The following P2RX5 variants were observed in gnomAD, a reference collection of about 807,000 sequenced individuals.
The protein encoded by P2RX5 is P2X purinoceptor 5.
In P2RX5, 46 loss-of-function variants were observed where a neutral mutation model predicts 54.1. The ratio of observed to expected loss-of-function variants is 0.85; its 90% CI spans 0.67 to 1.09. The LOEUF (loss-of-function observed/expected upper bound fraction) is 1.09, where lower values mean the gene tolerates loss of function less well. Among genes scored for constraint, P2RX5 ranks in the 50% least tolerant of loss-of-function variants. The pLI is 0.00. For missense variants in P2RX5, 566 were observed against 549.8 expected (o/e 1.03, Z -0.29); for synonymous variants, 226 against 226.4 (o/e 1.00, Z 0.02).
rs372596475 is a variant in P2RX5, at chr17:3,688,088, C to T, written c.905G>A (p.Arg302Gln). 1.0e-5 allele frequency: 16 copies of T among 1,602,716 alleles called. No homozygotes were observed. Among genetic ancestry groups the T allele is most frequent in the African/African-American group, 2.7e-5 (2 of 74,386 alleles). ...GYNFRFARYYRDAAGVEFRTL... is the reference protein window; with the variant it reads ...GYNFRFARYYQDAAGVEFRTL... The stretch of plus-strand genomic sequence containing the variant: ...GCGGAACTCCACCCCGGCTGCGTCT[C>T]GGTAATATCTGGCAAATCTGAGGGA... The change falls in exon 9 of 12, where the codon CGA becomes CAA. Residue 302 changes from arginine (R) to glutamine (Q), a missense_variant. By Grantham distance (43) the Arg-to-Gln change is conservative. Coordinates refer to ENST00000225328, the MANE Select transcript of P2RX5 (RefSeq NM_002561.4).
At chr17:3,700,313 T>G (rs947496716), upstream of P2RX5, among the ~76,000 whole-genome samples, 4 of 152,044 alleles carry the variant, frequency 2.6e-5, no homozygotes, top group Non-Finnish European at 5.9e-5. Context: ...GGCAGGCAGA[T>G]CACGAGGTCA....
At chr17:3,710,892 C>T in the P2RX5 span, among the ~76,000 whole-genome samples, 1 of 152,182 alleles carries the variant, frequency 6.6e-6, no homozygotes, top group Admixed American at 6.6e-5. Context: ...CGCACCACTG[C>T]ACTCCAGCAT....
chr17:3,690,565 C>A (rs766733609), intron 4 of P2RX5, 40 bp downstream of exon 4: 8 of 1,612,292 alleles, frequency 5.0e-6, no homozygotes, highest in Admixed American at 3.3e-5. Flanking sequence ...GCCTCCCACT[C>A]CGAGTCCTCC....
chr17:3,706,600 G>A, the P2RX5 span, among the ~76,000 whole-genome samples: 5 of 151,948 alleles, frequency 3.3e-5, no homozygotes, highest in Admixed American at 1.3e-4. Flanking sequence ...AGCACATGCC[G>A]AAAAATGCGG....
chr17:3,695,115 G>A (rs1301728828), intron 1 of P2RX5, among the ~76,000 whole-genome samples: 2 of 152,216 alleles, frequency 1.3e-5, no homozygotes, highest in Non-Finnish European at 2.9e-5. Context: ...TGAACGAGTG[G>A]AATGAGGCGC....
At chr17:3,700,161 A>G (rs2050808532), upstream of P2RX5, among the ~76,000 whole-genome samples, 1 of 152,102 alleles carries the variant, frequency 6.6e-6, no homozygotes, top group Admixed American at 6.6e-5. Context: ...CCAACTCACC[A>G]CCCTCACAAG....
chr17:3,719,429 A>C, the P2RX5 span, among the ~76,000 whole-genome samples: 1 of 152,132 alleles, frequency 6.6e-6, no homozygotes. Context: ...ATGCCTAACT[A>C]AAGAGCTCAG....
At chr17:3,695,123 C>T (rs1318498051) in intron 1 of P2RX5, among the ~76,000 whole-genome samples, 1 of 152,224 alleles carries the variant, frequency 6.6e-6, no homozygotes, top group Non-Finnish European at 1.5e-5. Context: ...TGGAATGAGG[C>T]GCATCCCCAT....
chr17:3,700,110 G>A (rs147683312), upstream of P2RX5, among the ~76,000 whole-genome samples: 574 of 152,250 alleles, frequency 3.8e-3, 7 homozygotes, highest in African/African-American at 0.013. Context: ...CTTACAAGCT[G>A]TGGCCCCCAG....
At position 3,678,931 on chromosome 17, in the gene P2RX5, G is replaced by A. The variant is rs568002718; in HGVS notation, c.1259+659C>T. On this transcript the variant is annotated intron_variant, in intron 11 of 11. Coordinates refer to ENST00000225328, the MANE Select transcript of P2RX5 (RefSeq NM_002561.4). Reference sequence around the variant, plus strand: ...CCACCCAGCCAGACGCCCTCCCCACGCAGGCTGAGCCTCGTCTGCAGAGAA... The same window carrying A: ...CCACCCAGCCAGACGCCCTCCCCACACAGGCTGAGCCTCGTCTGCAGAGAA... 2.6e-5 allele frequency among the ~76,000 whole-genome samples: 4 copies of A among 152,280 alleles called. No homozygotes were observed. In the East Asian group the frequency reaches 7.7e-4, roughly 29 times the overall value.
the P2RX5 span, chr17:3,723,156 AGGGTTGG>A: frequency 3.0e-6 from 2 of 658,940 alleles, no homozygotes; most frequent in East Asian, 2.8e-5. Context: ...GTTGGGACAG[AGGGTTGG>A]TTTTTTGCAC....
At chr17:3,719,949 C>T in the P2RX5 span, among the ~76,000 whole-genome samples, 1 of 152,150 alleles carries the variant, frequency 6.6e-6, no homozygotes, top group Non-Finnish European at 1.5e-5. Context: ...TTGTGTTGAA[C>T]TTCTGACCTC....
chr17:3,695,778 C>T, intron 1 of P2RX5, 91 bp downstream of exon 1: 1 of 1,519,206 alleles, frequency 6.6e-7, no homozygotes, highest in South Asian at 1.1e-5. Context: ...CGCGTGCACG[C>T]CTGCGAATTC....
chr17:3,695,077 G>A (rs918619267), intron 1 of P2RX5, among the ~76,000 whole-genome samples: 2 of 152,184 alleles, frequency 1.3e-5, no homozygotes, highest in South Asian at 2.1e-4. Flanking sequence ...CTCCCAGGAG[G>A]AAGCAGGAGG....
In P2RX5 at chr17:3,696,032, C is replaced by A. The variant is rs1291752539; in HGVS notation, c.-27G>T. ...GCGCGCTCTCAGCCGGGCTTGCGGACCGCCCGGCCCACGTGCGCTCATGGG... is the reference window on the plus strand; with the variant it reads ...GCGCGCTCTCAGCCGGGCTTGCGGAACGCCCGGCCCACGTGCGCTCATGGG... On this transcript the variant is annotated 5_prime_UTR_variant, in exon 1 of 12. Coordinates refer to ENST00000225328, the MANE Select transcript of P2RX5 (RefSeq NM_002561.4). 1.9e-6 allele frequency: 3 copies of A among 1,611,688 alleles called. No individual in the cohort carries two copies. The African/African-American group carries it at 4.0e-5, about 22-fold the overall frequency.
At chr17:3,683,788 A>G (rs554997832) in intron 9 of P2RX5, among the ~76,000 whole-genome samples, 1 of 151,946 alleles carries the variant, frequency 6.6e-6, no homozygotes, top group African/African-American at 2.4e-5. Context: ...GTAAGAAAGT[A>G]ACAGGCGCAA....
rs2142997522 is a variant in P2RX5, at chr17:3,681,967, G to A, written c.993C>T (p.Phe331=). ...TGAGGTAGATGAGTACCAGGTCGCA[G>A]AAGAAAGCACCCTGCAAAACAGGGG... ...DVMVNGKGAF[F]CDLVLIYLIK... The change falls in exon 10 of 12, where the codon TTC becomes TTT. Residue 331 remains phenylalanine (F), a synonymous_variant. Transcript: ENST00000225328. The A allele has an allele frequency of 1.2e-6, 2 of 1,612,528 alleles. No homozygotes were observed. The highest frequency in any genetic ancestry group is 2.2e-5 in the East Asian group (1 of 44,878).
At chr17:3,699,083 A>ACT (rs1567743987), upstream of P2RX5, among the ~76,000 whole-genome samples, 7 of 124,326 alleles carry the variant, frequency 5.6e-5, no homozygotes, top group Non-Finnish European at 1.3e-4. Context: ...ACACACACAC[A>ACT]CACACACACA....
At chr17:3,690,271 T>C (rs1459870342) in intron 5 of P2RX5, 121 bp from the exon 6 acceptor site, 2 of 1,184,416 alleles carry the variant, frequency 1.7e-6, no homozygotes, top group Non-Finnish European at 2.5e-6. Flanking sequence ...GGACAGTTAA[T>C]TTGCTCATGC....
Sources: gnomAD v4.1 joint callset for allele counts (sites outside exome capture counted in the v4.1 genomes callset) on GRCh38, gnomAD v4.1.1 for gene constraint, MANE v1.5 for transcripts, NCBI Gene and HGNC (gene_info 2026-07-23, HGNC 2026-07-21) for gene names.